C5AR2: variants seen among roughly 807,000 people sequenced by gnomAD.
C5AR2 encodes C5a anaphylatoxin chemotactic receptor 2.
For missense variants in C5AR2, 458 were observed against 467.5 expected, an observed-to-expected ratio of 0.98 and a Z score of 0.19; for synonymous variants, 224 against 216.5, an observed-to-expected ratio of 1.03 and a Z score of -0.30.
rs998281788 is a variant in C5AR2, at chr19:47,340,704, G to A, written c.-15-81G>A. Reference sequence around the variant, plus strand: ...ATTCCAGTTTGCAAGGTGCTGGTGGGCCGGGCTGATGGACACCCTAGATCT... The same window carrying A: ...ATTCCAGTTTGCAAGGTGCTGGTGGACCGGGCTGATGGACACCCTAGATCT... On this transcript the variant is annotated intron_variant, in intron 1 of 1. Coordinates refer to ENST00000595464, the MANE Select transcript of C5AR2 (RefSeq NM_001271749.2). The A allele has an allele frequency of 2.5e-5, 33 of 1,312,498 alleles. No individual in the cohort carries two copies. The East Asian group carries it at 7.4e-4, about 29-fold the overall frequency. 81.3% of individuals were successfully genotyped at this position (1,312,498 alleles called of 1,614,324 possible).
In C5AR2 at chr19:47,342,431, G is replaced by A. The variant is rs1189677573; in HGVS notation, c.*618G>A. On this transcript the variant is annotated 3_prime_UTR_variant, in exon 2 of 2. Coordinates refer to ENST00000595464, the MANE Select transcript of C5AR2 (RefSeq NM_001271749.2). ...GGAGTCTCGCTCTGTCGCCCAGGCT[G>A]GAGTGCAGTGGCACAATCTCGGCTC... is the stretch of plus-strand genomic sequence containing the variant. 3.4e-5 allele frequency: 5 copies of A among 148,312 alleles called. No individual in the cohort carries two copies. The highest frequency in any genetic ancestry group is 9.8e-5 in the African/African-American group (4 of 40,952). The allele number at this position is 148,312 out of a possible 1,614,324, so 9.2% of individuals were successfully genotyped here.
intron 1 of C5AR2, among the ~76,000 whole-genome samples, chr19:47,338,796 C>T (rs975989774): frequency 4.6e-5 from 7 of 151,422 alleles, no homozygotes; most frequent in Admixed American, 2.0e-4. Context: ...GGGAAAGTGC[C>T]GCTGCAGTCC....
intron 1 of C5AR2, among the ~76,000 whole-genome samples, chr19:47,339,264 G>A (rs570076489): frequency 1.3e-5 from 2 of 152,192 alleles, no homozygotes; most frequent in South Asian, 4.2e-4. Context: ...TTGCCCACGT[G>A]GCCCTACATG....
Position 47,341,908 on chromosome 19 carries a change from T to G in C5AR2, c.*95T>G. ...TCCAGGAGCTCAATGATGTCTTCAT[T>G]TTATTCCTTCCTTCATTCAACAGAT... is the stretch of plus-strand genomic sequence containing the variant. On this transcript the variant is annotated 3_prime_UTR_variant, in exon 2 of 2. Transcript: ENST00000595464. The surrounding 1 kb of genome is among the most constrained non-coding windows in gnomAD (Gnocchi z 4.6). 1 of 1,174,100 alleles carries G rather than the reference T, an allele frequency of 8.5e-7. No homozygotes were observed. Among genetic ancestry groups the G allele is most frequent in the South Asian group, 1.4e-5 (1 of 69,244 alleles). 72.7% of individuals were successfully genotyped at this position (1,174,100 alleles called of 1,614,324 possible).
chr19:47,338,173 G>A (rs918742410), intron 1 of C5AR2, among the ~76,000 whole-genome samples: 1 of 152,074 alleles, frequency 6.6e-6, no homozygotes, highest in African/African-American at 2.4e-5. Context: ...CTACTCAGGG[G>A]GCAGAGGTGG....
Position 47,343,917 on chromosome 19 carries a change from G to A in C5AR2, c.*2104G>A, listed in dbSNP as rs1335833571. ...ACACTGGCCATAGTTCAAGTGCTCA[G>A]TAGCCACATATGGCTGGTGACTGCC... On this transcript the variant is annotated 3_prime_UTR_variant, in exon 2 of 2. Coordinates refer to ENST00000595464, the MANE Select transcript of C5AR2 (RefSeq NM_001271749.2). 1.3e-5 allele frequency: 2 copies of A among 152,114 alleles called. No homozygotes were observed. Among genetic ancestry groups the A allele is most frequent in the African/African-American group, 2.4e-5 (1 of 41,422 alleles). The allele number at this position is 152,114 out of a possible 1,614,324, so 9.4% of individuals were successfully genotyped here.
At position 47,341,749 on chromosome 19, in the gene C5AR2, A is replaced by G. The variant is rs2122174284; in HGVS notation, c.950A>G (p.Gln317Arg). The change falls in exon 2 of 2, where the codon CAG (glutamine) becomes CGG (arginine). Residue 317 changes from glutamine (Q) to arginine (R), a missense_variant. Physicochemically the swap from Gln to Arg is conservative, Grantham distance 43. Coordinates refer to ENST00000595464, the MANE Select transcript of C5AR2 (RefSeq NM_001271749.2). The surrounding 1 kb of genome is among the most constrained non-coding windows in gnomAD (Gnocchi z 4.6). ...CHWALRESQG[Q>R]DESVDSKKST... is the part of the protein sequence containing the mutation. Reference sequence around the variant, plus strand: ...TGGGCCCTGAGGGAGTCCCAGGGCCAGGACGAAAGTGTGGACAGCAAGAAA... The same window carrying G: ...TGGGCCCTGAGGGAGTCCCAGGGCCGGGACGAAAGTGTGGACAGCAAGAAA... 1 of 1,613,726 alleles carries G rather than the reference A, an allele frequency of 6.2e-7. No individual in the cohort carries two copies. Among genetic ancestry groups the G allele is most frequent in the Non-Finnish European group, 8.5e-7 (1 of 1,180,016 alleles).
At chr19:47,340,416 A>G (rs945900774) in intron 1 of C5AR2, among the ~76,000 whole-genome samples, 10 of 148,390 alleles carry the variant, frequency 6.7e-5, no homozygotes, top group African/African-American at 2.5e-4. Flanking sequence ...GTGTGAGCTC[A>G]GCTCACTGCC....
intron 1 of C5AR2, among the ~76,000 whole-genome samples, chr19:47,340,253 A>G (rs1968990452): frequency 6.6e-6 from 1 of 152,000 alleles, no homozygotes; most frequent in South Asian, 2.1e-4. Flanking sequence ...CACCGTGCCC[A>G]GCCCCAATAT....
intron 1 of C5AR2, among the ~76,000 whole-genome samples, chr19:47,334,450 G>A (rs1455395527): frequency 1.6e-5 from 2 of 127,920 alleles, no homozygotes; most frequent in African/African-American, 6.1e-5. Flanking sequence ...GGGCAACAGA[G>A]TAAGGGCTGT....
chr19:47,342,332 G>T lies in C5AR2; in HGVS notation c.*519G>T, dbSNP rs1969053075. ...GATTGAGCCCCTGCACTCCAGCCTG[G>T]GCGACAGAGCGAGACTCCGTCTCAA... On this transcript the variant is annotated 3_prime_UTR_variant, in exon 2 of 2. Coordinates refer to ENST00000595464, the MANE Select transcript of C5AR2 (RefSeq NM_001271749.2). 1 of 150,910 alleles carries T rather than the reference G, an allele frequency of 6.6e-6. No homozygotes were observed. Among genetic ancestry groups the T allele is most frequent in the Admixed American group, 6.6e-5 (1 of 15,142 alleles). The allele number at this position is 150,910 out of a possible 1,614,324, so 9.3% of individuals were successfully genotyped here. A position where few individuals can be genotyped will look rare whatever the true frequency, so the allele number is the denominator to read the frequency against.
chr19:47,337,240 C>T (rs1042058516), intron 1 of C5AR2: 1 of 152,340 alleles, frequency 6.6e-6, no homozygotes, highest in African/African-American at 2.4e-5. Flanking sequence ...CTGACACCCA[C>T]AGTCATGGAG....
At chr19:47,338,039 C>T (rs2059365114) in intron 1 of C5AR2, among the ~76,000 whole-genome samples, 1 of 149,938 alleles carries the variant, frequency 6.7e-6, no homozygotes, top group South Asian at 2.1e-4. Context: ...AGCGCCACTG[C>T]ACTCCAGCCT....
chr19:47,341,541 C>A lies in C5AR2; in HGVS notation c.742C>A (p.Pro248Thr). 6.2e-7 allele frequency: 1 copy of A among 1,612,928 alleles called. No individual in the cohort carries two copies. Among genetic ancestry groups the A allele is most frequent in the Non-Finnish European group, 8.5e-7 (1 of 1,179,746 alleles). The change falls in exon 2 of 2, where the codon CCC (proline) becomes ACC (threonine). Residue 248 changes from proline (P) to threonine (T), a missense_variant. Transcript: ENST00000595464. The surrounding 1 kb of genome is among the most constrained non-coding windows in gnomAD (Gnocchi z 4.6). ...GGTGGGGTTTTTTGTCTGCTGGGCA[C>A]CCTACCACCTGCTGGGGCTGGTGCT... ...IVVGFFVCWA[P>T]YHLLGLVLTV...
chr19:47,333,180 T>C (rs1031330859), intron 1 of C5AR2, among the ~76,000 whole-genome samples: 3 of 151,594 alleles, frequency 2.0e-5, no homozygotes, highest in Admixed American at 1.3e-4. Flanking sequence ...AATTTTTGTA[T>C]TTTTAGTAGA....
At chr19:47,339,734 A>C (rs1482144951) in intron 1 of C5AR2, among the ~76,000 whole-genome samples, 1 of 151,746 alleles carries the variant, frequency 6.6e-6, no homozygotes, top group Non-Finnish European at 1.5e-5. Context: ...GGGCCTTTGC[A>C]CTGGCTGTTC....
rs903936698 is a variant in C5AR2, at chr19:47,338,707, G to A, written c.-15-2078G>A. On this transcript the variant is annotated intron_variant, in intron 1 of 1. Coordinates refer to ENST00000595464, the MANE Select transcript of C5AR2 (RefSeq NM_001271749.2). ...ATAATAATTAATCAGGCATGATGGT[G>A]TGCACCTGTAGTCCTAGCTACTTGG... Among the ~76,000 whole-genome samples, 6 of 137,558 alleles carry A rather than the reference G, an allele frequency of 4.4e-5. No homozygotes were observed. In the South Asian group the frequency reaches 7.2e-4, roughly 17 times the overall value. 90.2% of individuals were successfully genotyped at this position (137,558 alleles called of 152,430 possible).
At chr19:47,335,287 G>C (rs2059353073) in intron 1 of C5AR2, among the ~76,000 whole-genome samples, 1 of 151,982 alleles carries the variant, frequency 6.6e-6, no homozygotes, top group African/African-American at 2.4e-5. Context: ...TTGATGCTTT[G>C]AGGACGAATG....
Position 47,342,034 on chromosome 19 carries a change from T to C in C5AR2, c.*221T>C. ...CCTGCCCTCAGGGAGCTGATATTCT[T>C]CTAGTGGAGGAAGACAGACTATAAA... On this transcript the variant is annotated 3_prime_UTR_variant, in exon 2 of 2. Coordinates refer to ENST00000595464, the MANE Select transcript of C5AR2 (RefSeq NM_001271749.2). 1 of 562,296 alleles carries C rather than the reference T, an allele frequency of 1.8e-6. No individual in the cohort carries two copies. The highest frequency in any genetic ancestry group is 3.3e-6 in the Non-Finnish European group (1 of 307,318). 34.8% of individuals were successfully genotyped at this position (562,296 alleles called of 1,614,324 possible).
Sources: allele counts gnomAD v4.1 joint callset (sites outside exome capture counted in the v4.1 genomes callset), GRCh38; gene constraint gnomAD v4.1.1; non-coding constraint Gnocchi (gnomAD v3.1); transcripts MANE v1.5; gene names NCBI Gene and HGNC (gene_info 2026-07-23, HGNC 2026-07-21).